The following DCC variants were observed in gnomAD, a reference collection of about 807,000 sequenced individuals.
The protein encoded by DCC is DCC netrin 1 receptor.
A neutral mutation model predicts 172.5 loss-of-function variants in DCC; 58 were observed. That is an observed-to-expected ratio of 0.34 (90% confidence interval 0.27 to 0.42). The LOEUF (loss-of-function observed/expected upper bound fraction) is 0.42, where lower values mean the gene tolerates loss of function less well. Ranked by LOEUF, DCC falls within the 10% of genes least tolerant of loss-of-function variation. DCC has a pLI of 1.00. For missense variants in DCC, 1,740 were observed against 1,791.0 expected, an observed-to-expected ratio of 0.97 and a Z score of 0.51; for synonymous variants, 709 against 644.5, an observed-to-expected ratio of 1.10 and a Z score of -1.52.
At chr18:52,993,891 T>C (rs2041436196) in intron 5 of DCC, among the ~76,000 whole-genome samples, 1 of 152,104 alleles carries the variant, frequency 6.6e-6, no homozygotes, top group South Asian at 2.1e-4. Context: ...TGGATTAAGA[T>C]AAGTAAGGAG....
intron 2 of DCC, among the ~76,000 whole-genome samples, chr18:52,849,651 C>A (rs781341055): frequency 5.9e-5 from 9 of 152,234 alleles, no homozygotes; most frequent in Non-Finnish European, 1.2e-4. Flanking sequence ...ACAGAATATG[C>A]CCCGAGCACC....
At chr18:52,529,571 T>A (rs1219583485) in intron 1 of DCC, among the ~76,000 whole-genome samples, 1 of 152,218 alleles carries the variant, frequency 6.6e-6, no homozygotes, top group Non-Finnish European at 1.5e-5. Flanking sequence ...ATTACAGGCG[T>A]GAGCCACCGG....
chr18:52,620,446 T>C (rs1457150695), intron 1 of DCC, among the ~76,000 whole-genome samples: 2 of 152,166 alleles, frequency 1.3e-5, no homozygotes, highest in Non-Finnish European at 2.9e-5. Flanking sequence ...AATTAACCCA[T>C]CTTCAAGGAG....
intron 1 of DCC, among the ~76,000 whole-genome samples, chr18:52,704,379 T>C (rs1160719480): frequency 6.6e-6 from 1 of 152,218 alleles, no homozygotes; most frequent in Non-Finnish European, 1.5e-5. Flanking sequence ...GGGTCCTGAC[T>C]TAACAAATAA....
At chr18:53,074,936 T>G (rs956874255) in intron 7 of DCC, among the ~76,000 whole-genome samples, 10 of 152,166 alleles carry the variant, frequency 6.6e-5, no homozygotes, top group African/African-American at 2.2e-4. Flanking sequence ...TCTCAAAGAT[T>G]TAGTGCAATA....
rs2030201692 is a variant in DCC at position 52,735,588 on chromosome 18, G to T, written c.92-16466G>T. Among the ~76,000 whole-genome samples, 5 of 152,036 alleles carry T rather than the reference G, an allele frequency of 3.3e-5. No individual in the cohort carries two copies. In the South Asian group the frequency reaches 1.0e-3, roughly 32 times the overall value. On this transcript the variant is annotated intron_variant, in intron 1 of 28. Coordinates refer to ENST00000442544, the MANE Select transcript of DCC (RefSeq NM_005215.4). ...TGCAGCCTTCAGTCTATGGCTGAAG[G>T]TTCAAGAGGCTGTGGCAAATCACTG...
At chr18:53,304,124 G>A (rs2144779679) in intron 12 of DCC, among the ~76,000 whole-genome samples, 1 of 152,162 alleles carries the variant, frequency 6.6e-6, no homozygotes, top group Non-Finnish European at 1.5e-5. Context: ...CTGCTCATTT[G>A]CTTGTGGAGC....
intron 27 of DCC, among the ~76,000 whole-genome samples, chr18:53,512,947 G>T (rs2046276746): frequency 6.6e-6 from 1 of 152,078 alleles, no homozygotes; most frequent in Non-Finnish European, 1.5e-5. Context: ...TTCAGATTCA[G>T]GAAATACAGA....
chr18:53,172,240 T>C lies in DCC; in HGVS notation c.1419-6722T>C, dbSNP rs150629178. On this transcript the variant is annotated intron_variant, in intron 8 of 28. Coordinates refer to ENST00000442544, the MANE Select transcript of DCC (RefSeq NM_005215.4). ...CAGGAACAGAAAACCAAATACTACA[T>C]GTTCTCACTTATAAGTAAGAGCTTA... is the stretch of plus-strand genomic sequence containing the variant. Among the ~76,000 whole-genome samples, 1,206 of 152,252 alleles carry C rather than the reference T, an allele frequency of 7.9e-3. 16 individuals carry two copies. The highest frequency in any genetic ancestry group is 0.027 in the African/African-American group (1,123 of 41,554).
chr18:52,520,452 G>T (rs182916260), intron 1 of DCC, among the ~76,000 whole-genome samples: 21 of 152,270 alleles, frequency 1.4e-4, no homozygotes, highest in Middle Eastern at 3.4e-3. Flanking sequence ...AATTTTGGCT[G>T]TGTGGAAACC....
chr18:53,250,164 T>C (rs2056412647), intron 12 of DCC, among the ~76,000 whole-genome samples: 1 of 151,920 alleles, frequency 6.6e-6, no homozygotes, highest in Non-Finnish European at 1.5e-5. Context: ...CCTCAAGAAG[T>C]AGCTTTAAGA....
chr18:53,263,230 C>A (rs2056626830), intron 12 of DCC, among the ~76,000 whole-genome samples: 1 of 152,204 alleles, frequency 6.6e-6, no homozygotes, highest in Non-Finnish European at 1.5e-5. Context: ...CAGCTCACTG[C>A]AGCCTCCGCC....
intron 1 of DCC, among the ~76,000 whole-genome samples, chr18:52,435,459 G>T (rs56007228): frequency 0.067 from 10,124 of 152,116 alleles, 552 homozygotes; most frequent in African/African-American, 0.15. Flanking sequence ...CCTCGTCAGA[G>T]CCTCGGGTGG....
chr18:52,708,177 C>T (rs556828296), intron 1 of DCC, among the ~76,000 whole-genome samples: 1 of 152,256 alleles, frequency 6.6e-6, no homozygotes, highest in South Asian at 2.1e-4. Flanking sequence ...CACAGTGGCT[C>T]ACGCCTGTAA....
At chr18:52,365,201 G>A (rs1050869702) in intron 1 of DCC, among the ~76,000 whole-genome samples, 3 of 152,190 alleles carry the variant, frequency 2.0e-5, no homozygotes, top group Non-Finnish European at 4.4e-5. Context: ...ATGTTTGGAA[G>A]AAGAGTGCTT....
At chr18:52,417,662 A>G (rs1463492831) in intron 1 of DCC, among the ~76,000 whole-genome samples, 1 of 152,132 alleles carries the variant, frequency 6.6e-6, no homozygotes, top group Non-Finnish European at 1.5e-5. Flanking sequence ...AGTTGATTGC[A>G]TCGGCTCCTG....
chr18:52,884,507 A>G (rs1598897490), intron 2 of DCC, among the ~76,000 whole-genome samples: 1 of 151,938 alleles, frequency 6.6e-6, no homozygotes, highest in Admixed American at 6.6e-5. Context: ...CAATATATCA[A>G]TTGCATTTTT....
At chr18:53,399,497 A>G (rs1909167549) in intron 18 of DCC, among the ~76,000 whole-genome samples, 1 of 152,156 alleles carries the variant, frequency 6.6e-6, no homozygotes, top group African/African-American at 2.4e-5. Flanking sequence ...GGACAGTGCA[A>G]GTAACAAATG....
chr18:53,180,661 C>T (rs905950943), intron 9 of DCC, among the ~76,000 whole-genome samples: 10 of 152,108 alleles, frequency 6.6e-5, no homozygotes, highest in African/African-American at 2.4e-4. Flanking sequence ...CATAACATTT[C>T]AATCTTCTTT....
Sources: allele counts gnomAD v4.1 joint callset (sites outside exome capture counted in the v4.1 genomes callset), GRCh38; gene constraint gnomAD v4.1.1; transcripts MANE v1.5; gene names NCBI Gene and HGNC (gene_info 2026-07-23, HGNC 2026-07-21).